The following PPP2R2B variants were observed in gnomAD, a reference collection of about 807,000 sequenced individuals.
The protein encoded by PPP2R2B is protein phosphatase 2 regulatory subunit Bbeta, also known as serine/threonine-protein phosphatase 2A 55 kDa regulatory subunit B beta isoform.
In PPP2R2B, 5 loss-of-function variants were observed where a neutral mutation model predicts 46.0. The ratio of observed to expected loss-of-function variants is 0.11; its 90% CI spans 0.06 to 0.23. PPP2R2B has a LOEUF of 0.23. Ranked by LOEUF, PPP2R2B falls within the 10% of genes least tolerant of loss-of-function variation. The probability of loss-of-function intolerance (pLI) is 1.00; values close to 1 mark genes in which losing one functional copy is unlikely to be tolerated. For synonymous variants in PPP2R2B, 215 were observed against 206.7 expected, an observed-to-expected ratio of 1.04 and a Z score of -0.34; for missense variants, 367 against 575.0, an observed-to-expected ratio of 0.64 and a Z score of 3.70.
At position 146,811,096 on chromosome 5, in the gene PPP2R2B, C is replaced by T. The variant is rs374809336; in HGVS notation, c.70+66906G>A. ...TCAGCTCACTGCAACCTCCGCCTCC[C>T]GGGTTCAAGTAATTCTCCTGCCTCA... On this transcript the variant is annotated intron_variant, in intron 2 of 9. Transcript: ENST00000394411. 1.0e-3 allele frequency among the ~76,000 whole-genome samples: 159 copies of T among 152,174 alleles called. No individual in the cohort carries two copies. In the East Asian group the frequency reaches 0.016, roughly 16 times the overall value.
intron 1 of PPP2R2B, among the ~76,000 whole-genome samples, chr5:147,032,907 A>T (rs1376500120): frequency 6.6e-6 from 1 of 152,092 alleles, no homozygotes; most frequent in Admixed American, 6.6e-5. Context: ...TGGTAGTTCT[A>T]CTTTTAGTTC....
intron 2 of PPP2R2B, among the ~76,000 whole-genome samples, chr5:146,791,400 A>T (rs903983920): frequency 1.3e-5 from 2 of 151,694 alleles, no homozygotes; most frequent in Non-Finnish European, 1.5e-5. Context: ...TGCTGTGTGT[A>T]TGTGTGTGTG....
chr5:146,704,164 T>C (rs1490917601), intron 2 of PPP2R2B, among the ~76,000 whole-genome samples: 2 of 152,218 alleles, frequency 1.3e-5, no homozygotes, highest in Non-Finnish European at 2.9e-5. Flanking sequence ...TGTTTAATAA[T>C]TGATGCAAAA....
In PPP2R2B at chr5:146,980,656, GT is replaced by G. The variant is rs376315854; in HGVS notation, c.79+75008del. On this transcript the variant is annotated intron_variant, in intron 1 of 8. Coordinates refer to the PPP2R2B transcript ENST00000336640. ...AACATTAAATAGATTAATCTCTCTTGTTTTTTTATGTATTCTAATTTTATGG... is the reference window on the plus strand; with the variant it reads ...AACATTAAATAGATTAATCTCTCTTGTTTTTTATGTATTCTAATTTTATGG... Among the ~76,000 whole-genome samples, 1,173 of 151,986 alleles carry G rather than the reference GT, an allele frequency of 7.7e-3. 16 individuals carry two copies. The highest frequency in any genetic ancestry group is 0.024 in the African/African-American group (1,011 of 41,354).
In PPP2R2B at chr5:146,878,279, G is replaced by A; in HGVS notation, c.-124-84C>T. The A allele has an allele frequency of 2.1e-6, 3 of 1,462,010 alleles. No homozygotes were observed. The highest frequency in any genetic ancestry group is 2.8e-5 in the South Asian group (2 of 70,512). The allele number at this position is 1,462,010 out of a possible 1,614,324, so 90.6% of individuals were successfully genotyped here. The stretch of plus-strand genomic sequence containing the variant: ...CACCTCCTCCACTCGGGTTCTGCGA[G>A]GCTGCGGCGGCTCCTCCCGCGCGGT... On this transcript the variant is annotated intron_variant, in intron 1 of 9. Transcript: ENST00000394411. This position sits in a 1 kb window ranked among gnomAD's most constrained non-coding sequence, Gnocchi z 4.5.
chr5:147,010,764 G>A (rs1486222449), intron 1 of PPP2R2B, among the ~76,000 whole-genome samples: 1 of 152,064 alleles, frequency 6.6e-6, no homozygotes, highest in African/African-American at 2.4e-5. Flanking sequence ...TGGCCTGGGA[G>A]TTGGGGACCC....
intron 7 of PPP2R2B, among the ~76,000 whole-genome samples, chr5:146,618,818 C>T (rs1034265314): frequency 1.2e-4 from 18 of 151,924 alleles, no homozygotes; most frequent in African/African-American, 2.7e-4. Flanking sequence ...CAGAACCCAG[C>T]GGCTGCAAAG....
At chr5:146,689,721 C>CT (rs1418629698) in intron 5 of PPP2R2B, among the ~76,000 whole-genome samples, 3 of 152,332 alleles carry the variant, frequency 2.0e-5, no homozygotes, top group Admixed American at 6.5e-5. Context: ...CACTACGCTA[C>CT]TTTCCAGCCT....
At chr5:146,771,675 T>G (rs1004656667) in intron 2 of PPP2R2B, among the ~76,000 whole-genome samples, 12 of 152,202 alleles carry the variant, frequency 7.9e-5, no homozygotes, top group Admixed American at 2.6e-4. Flanking sequence ...GGTAGAACAT[T>G]TGCTAGCTTC....
intron 1 of PPP2R2B, among the ~76,000 whole-genome samples, chr5:147,021,713 C>T (rs1195524653): frequency 6.6e-6 from 1 of 152,082 alleles, no homozygotes; most frequent in Non-Finnish European, 1.5e-5. Context: ...AAATTAACTG[C>T]TATCAGAATG....
intron 1 of PPP2R2B, among the ~76,000 whole-genome samples, chr5:146,899,635 A>T (rs1762761353): frequency 6.6e-6 from 1 of 152,200 alleles, no homozygotes; most frequent in African/African-American, 2.4e-5. Flanking sequence ...AATAATAAAT[A>T]AAAAAGTAGG....
chr5:146,706,803 T>G, intron 2 of PPP2R2B: 1 of 866,056 alleles, frequency 1.2e-6, no homozygotes, highest in African/African-American at 1.6e-5. Context: ...CGACTGCGGT[T>G]GGCGATCTCC....
At chr5:146,650,285 G>A (rs1462395673) in intron 6 of PPP2R2B, among the ~76,000 whole-genome samples, 1 of 152,122 alleles carries the variant, frequency 6.6e-6, no homozygotes, top group African/African-American at 2.4e-5. Context: ...TTTAATTCGT[G>A]ACATATAAAT....
At chr5:146,985,317 C>A (rs1490228623) in intron 1 of PPP2R2B, among the ~76,000 whole-genome samples, 2 of 152,058 alleles carry the variant, frequency 1.3e-5, no homozygotes, top group Non-Finnish European at 2.9e-5. Context: ...CTGCACCTGG[C>A]CTTAGTTTGC....
intron 8 of PPP2R2B, among the ~76,000 whole-genome samples, chr5:146,598,365 T>G (rs946420393): frequency 6.6e-6 from 1 of 152,242 alleles, no homozygotes; most frequent in African/African-American, 2.4e-5. Flanking sequence ...TGCCAAATCC[T>G]CTTCCTATTC....
chr5:146,927,940 C>T (rs1307909146), intron 1 of PPP2R2B, among the ~76,000 whole-genome samples: 4 of 152,064 alleles, frequency 2.6e-5, no homozygotes, highest in Non-Finnish European at 4.4e-5. Flanking sequence ...CGGGGTTTCA[C>T]CATGTTGGCC....
chr5:146,584,055 G>A lies in PPP2R2B; in HGVS notation c.*5892C>T. The stretch of plus-strand genomic sequence containing the variant: ...TGGGCAAGCAGGAGCTGTTCAGTGG[G>A]CACTGTTCACCCAGGAAAACCCAGG... On this transcript the variant is annotated 3_prime_UTR_variant, in exon 10 of 10. Coordinates refer to ENST00000394411, the MANE Select transcript of PPP2R2B (RefSeq NM_181675.4). 1 of 152,466 alleles carries A rather than the reference G, an allele frequency of 6.6e-6. No individual in the cohort carries two copies. Among genetic ancestry groups the A allele is most frequent in the Non-Finnish European group, 1.5e-5 (1 of 68,126 alleles). 9.4% of individuals were successfully genotyped at this position (152,466 alleles called of 1,614,324 possible).
chr5:146,719,627 C>A (rs2151191973), intron 2 of PPP2R2B, among the ~76,000 whole-genome samples: 1 of 152,184 alleles, frequency 6.6e-6, no homozygotes, highest in African/African-American at 2.4e-5. Context: ...TCATCTGGAT[C>A]CCAGATAAGG....
At chr5:146,990,490 T>C (rs985528576) in intron 1 of PPP2R2B, among the ~76,000 whole-genome samples, 3 of 152,050 alleles carry the variant, frequency 2.0e-5, no homozygotes, top group Admixed American at 1.3e-4. Flanking sequence ...TCCCAATAAA[T>C]GGTGGTGGAA....
Sources: gnomAD v4.1 joint callset for allele counts (sites outside exome capture counted in the v4.1 genomes callset) on GRCh38, gnomAD v4.1.1 for gene constraint, Gnocchi (gnomAD v3.1) non-coding constraint, MANE v1.5 for transcripts, NCBI Gene and HGNC (gene_info 2026-07-23, HGNC 2026-07-21) for gene names.